The following PODXL2 variants were observed in gnomAD, a reference collection of about 807,000 sequenced individuals.
PODXL2 encodes the protein podocalyxin-like protein 2.
In PODXL2, 17 loss-of-function variants were observed where a neutral mutation model predicts 53.4. The ratio of observed to expected loss-of-function variants is 0.32; its 90% CI spans 0.22 to 0.48. PODXL2 has a LOEUF of 0.48. PODXL2 is among the 20% of genes least tolerant of loss of function. The pLI, the probability that PODXL2 is intolerant of heterozygous loss-of-function variation, is 0.99. For missense variants in PODXL2, 673 were observed against 760.0 expected (o/e 0.89, Z 1.35); for synonymous variants, 311 against 306.7 (o/e 1.01, Z -0.15).
At chr3:127,634,246 C>T (rs962211368) in intron 1 of PODXL2, among the ~76,000 whole-genome samples, 7 of 150,320 alleles carry the variant, frequency 4.7e-5, no homozygotes, top group African/African-American at 1.7e-4. Flanking sequence ...GCCAACATGG[C>T]GACACCCCGT....
intron 2 of PODXL2, among the ~76,000 whole-genome samples, chr3:127,660,035 TC>T (rs1262217111): frequency 2.0e-5 from 3 of 152,128 alleles, no homozygotes; most frequent in African/African-American, 7.2e-5. Context: ...CTTGGTGAAA[TC>T]CCCAGATGAG....
chr3:127,662,601 T>G (rs1477554916), intron 4 of PODXL2, among the ~76,000 whole-genome samples: 1 of 152,234 alleles, frequency 6.6e-6, no homozygotes, highest in Non-Finnish European at 1.5e-5. Flanking sequence ...CTTTCTGTCT[T>G]TTTTAGAGTT....
At chr3:127,634,700 TG>T (rs1161081385) in intron 1 of PODXL2, among the ~76,000 whole-genome samples, 2 of 152,112 alleles carry the variant, frequency 1.3e-5, no homozygotes, top group Admixed American at 1.3e-4. Context: ...CACTCCAGCC[TG>T]GGCGACAAGA....
At chr3:127,655,145 G>A (rs2074713944) in intron 2 of PODXL2, among the ~76,000 whole-genome samples, 2 of 151,994 alleles carry the variant, frequency 1.3e-5, no homozygotes, top group Admixed American at 1.3e-4. Flanking sequence ...ATTTCACCAT[G>A]TTGGCCAGGC....
chr3:127,650,979 G>A (rs574837163), intron 2 of PODXL2, among the ~76,000 whole-genome samples: 2 of 152,282 alleles, frequency 1.3e-5, no homozygotes, highest in East Asian at 1.9e-4. Flanking sequence ...TAAAACTGTG[G>A]TGAGGCTGGG....
intron 4 of PODXL2, 108 bp from the exon 5 acceptor site, chr3:127,668,333 G>T: frequency 9.6e-7 from 1 of 1,041,592 alleles, no homozygotes; most frequent in Non-Finnish European, 1.3e-6. Flanking sequence ...TGCCTCTCTT[G>T]GAACAGCCAG....
intron 4 of PODXL2, among the ~76,000 whole-genome samples, chr3:127,662,581 A>G (rs536453808): frequency 6.6e-5 from 10 of 152,294 alleles, no homozygotes; most frequent in Admixed American, 5.9e-4. Flanking sequence ...CTCTCCCGTG[A>G]TATTGAAACC....
chr3:127,639,233 A>G lies in PODXL2; in HGVS notation c.71-12A>G. ...AGCCTCCCCTGACTGTCTGGCTTTT[A>G]TGTCTGCACAGGAGCGTTCCTGGGT... On this transcript the variant is annotated splice_polypyrimidine_tract_variant and intron_variant, in intron 1 of 7. Coordinates refer to ENST00000342480, the MANE Select transcript of PODXL2 (RefSeq NM_015720.4). 6.4e-7 allele frequency: 1 copy of G among 1,574,328 alleles called. No homozygotes were observed.
At position 127,629,411 on chromosome 3, in the gene PODXL2, C is replaced by T. The variant is rs2074526963; in HGVS notation, c.70+122C>T. ...GGCGCCGCCGGGAGCGCGCGTGTCC[C>T]GGCCGGGCCGCGGCGCCGCCCCGAC... On this transcript the variant is annotated intron_variant, in intron 1 of 7. Coordinates refer to ENST00000342480, the MANE Select transcript of PODXL2 (RefSeq NM_015720.4). This position sits in a 1 kb window ranked among gnomAD's most constrained non-coding sequence, Gnocchi z 6.4. 1.3e-6 allele frequency: 1 copy of T among 773,210 alleles called. No homozygotes were observed. Among genetic ancestry groups the T allele is most frequent in the East Asian group, 1.3e-4 (1 of 7,918 alleles). The allele number at this position is 773,210 out of a possible 1,614,324, so 47.9% of individuals were successfully genotyped here.
At chr3:127,666,569 G>C (rs1255737096) in intron 4 of PODXL2, among the ~76,000 whole-genome samples, 1 of 152,020 alleles carries the variant, frequency 6.6e-6, no homozygotes. Flanking sequence ...CACCATACTT[G>C]GTTAATTTTT....
chr3:127,649,850 T>C (rs914536040), intron 2 of PODXL2, among the ~76,000 whole-genome samples: 1 of 152,152 alleles, frequency 6.6e-6, no homozygotes, highest in African/African-American at 2.4e-5. Flanking sequence ...AGCAGGAGAA[T>C]TGCTTGAACG....
In PODXL2 at chr3:127,660,598, C is replaced by T; in HGVS notation, c.570C>T (p.Leu190=). 6.2e-7 allele frequency: 1 copy of T among 1,614,130 alleles called. No homozygotes were observed. Among genetic ancestry groups the T allele is most frequent in the South Asian group, 1.1e-5 (1 of 91,078 alleles). Residue 190 remains leucine (L), a synonymous_variant, in exon 3 of 8, where the codon CTC becomes CTT. Coordinates refer to ENST00000342480, the MANE Select transcript of PODXL2 (RefSeq NM_015720.4). ...AGGAGGAGGAAGAGGAGGAGCTGCT[C>T]CCTGTGAATGGATCCCAAGAAGAAG... ...KQEEEEEEEL[L]PVNGSQEEAK...
chr3:127,670,402 G>C (rs570987695), intron 6 of PODXL2, among the ~76,000 whole-genome samples: 1 of 152,322 alleles, frequency 6.6e-6, no homozygotes, highest in East Asian at 1.9e-4. Flanking sequence ...ATGAACAGTG[G>C]GGCTGCTGGT....
chr3:127,659,281 CTA>C (rs944071576), intron 2 of PODXL2, among the ~76,000 whole-genome samples: 2 of 152,210 alleles, frequency 1.3e-5, no homozygotes, highest in South Asian at 2.1e-4. Flanking sequence ...CTATTTTTTC[CTA>C]TGTTTATTTT....
intron 1 of PODXL2, among the ~76,000 whole-genome samples, chr3:127,632,636 T>C (rs1204154125): frequency 6.6e-6 from 1 of 152,220 alleles, no homozygotes; most frequent in Non-Finnish European, 1.5e-5. Flanking sequence ...ATTTGTTTCT[T>C]GTATTTTGGC....
At chr3:127,652,628 A>C (rs923534456) in intron 2 of PODXL2, among the ~76,000 whole-genome samples, 4 of 152,132 alleles carry the variant, frequency 2.6e-5, no homozygotes, top group African/African-American at 9.7e-5. Context: ...GGATGAATCC[A>C]TGGAGCCAGC....
rs2074764842 is a variant in PODXL2 at position 127,661,070 on chromosome 3, G to C, written c.1042G>C (p.Ala348Pro). The C allele has an allele frequency of 1.2e-6, 2 of 1,614,226 alleles. No homozygotes were observed. The highest frequency in any genetic ancestry group is 1.3e-5 in the African/African-American group (1 of 75,056). The change falls in exon 3 of 8, where the codon GCT (alanine) becomes CCT (proline). Residue 348 changes from alanine (A) to proline (P), a missense_variant. This residue lies in a region of PODXL2 where 588 missense variants were observed against 668.3 expected (regional missense o/e 0.88). Coordinates refer to ENST00000342480, the MANE Select transcript of PODXL2 (RefSeq NM_015720.4). Reference protein sequence around the residue: ...PGDMELTPSSATLGQEDLNQQ... With the variant: ...PGDMELTPSSPTLGQEDLNQQ... ...AGACATGGAACTGACACCTTCCTCT[G>C]CTACCTTGGGACAAGAAGATCTCAA...
chr3:127,660,426 C>A lies in PODXL2; in HGVS notation c.398C>A (p.Thr133Asn). The change falls in exon 3 of 8, where the codon ACC (threonine) becomes AAC (asparagine). Residue 133 changes from threonine (T) to asparagine (N), a missense_variant. Coordinates refer to ENST00000342480, the MANE Select transcript of PODXL2 (RefSeq NM_015720.4). Reference sequence around the variant, plus strand: ...GAGAAGGCAGGTTCCATTGAAGACACCAGCCAGGCTCAAGAGCTGCCAAAC... The same window carrying A: ...GAGAAGGCAGGTTCCATTGAAGACAACAGCCAGGCTCAAGAGCTGCCAAAC... The part of the protein sequence containing the change: ...LTEKAGSIED[T>N]SQAQELPNLP... The A allele has an allele frequency of 1.2e-6, 2 of 1,614,038 alleles. No homozygotes were observed. The highest frequency in any genetic ancestry group is 1.1e-5 in the South Asian group (1 of 91,074).
chr3:127,642,988 G>A (rs570732175), intron 2 of PODXL2, among the ~76,000 whole-genome samples: 1 of 152,276 alleles, frequency 6.6e-6, no homozygotes, highest in African/African-American at 2.4e-5. Flanking sequence ...ACTCAGCTCA[G>A]TGCTTGGCAC....
Sources: gnomAD v4.1 joint callset for allele counts (sites outside exome capture counted in the v4.1 genomes callset) on GRCh38, gnomAD v4.1.1 for gene constraint, gnomAD v4.1.1 regional missense constraint, Gnocchi (gnomAD v3.1) non-coding constraint, MANE v1.5 for transcripts, NCBI Gene and HGNC (gene_info 2026-07-23, HGNC 2026-07-21) for gene names.